Variants in TCF7 observed in about 807,000 individuals in gnomAD.
TCF7 encodes the protein T-cell-factor-7.
Under a neutral mutation model 46.8 loss-of-function variants are expected in TCF7, and 19 were observed. The ratio of observed to expected loss-of-function variants is 0.41; its 90% CI spans 0.28 to 0.60. The LOEUF (loss-of-function observed/expected upper bound fraction) is 0.60. TCF7 is among the 20% of genes least tolerant of loss of function. TCF7 has a pLI of 0.35. For missense variants in TCF7, 547 were observed against 504.6 expected, an observed-to-expected ratio of 1.08 and a Z score of -0.81; for synonymous variants, 245 against 213.4, an observed-to-expected ratio of 1.15 and a Z score of -1.29.
At chr5:134,145,102 G>C in intron 9 of TCF7, 5 of 642,136 alleles carry the variant, frequency 7.8e-6, no homozygotes, top group Middle Eastern at 2.6e-4. Flanking sequence ...GAATGTTCCA[G>C]AAAGGAAGGA....
chr5:134,147,621 C>T lies in TCF7; in HGVS notation c.*1318C>T, dbSNP rs994281439. 2 of 152,628 alleles carry T rather than the reference C, an allele frequency of 1.3e-5. No homozygotes were observed. Among genetic ancestry groups the T allele is most frequent in the Non-Finnish European group, 2.9e-5 (2 of 68,034 alleles). 9.5% of individuals were successfully genotyped at this position (152,628 alleles called of 1,614,324 possible). A position where few individuals can be genotyped will look rare whatever the true frequency, so the allele number is the denominator to read the frequency against. ...AACCCATTTTTGAGCCAAGCTTCAA[C>T]CCTCAGCCTTGAAAAACAAGTCTTT... On this transcript the variant is annotated 3_prime_UTR_variant, in exon 10 of 10. Transcript: ENST00000342854.
At chr5:134,113,698 C>T (rs1397076269), upstream of TCF7, among the ~76,000 whole-genome samples, 1 of 152,272 alleles carries the variant, frequency 6.6e-6, no homozygotes, top group Non-Finnish European at 1.5e-5. Flanking sequence ...CCGTGGAGGC[C>T]CGCGTGGACG....
intron 2 of TCF7, 78 bp downstream of exon 2, chr5:134,115,465 C>A (rs1167053085): frequency 3.9e-6 from 6 of 1,523,650 alleles, no homozygotes. Flanking sequence ...CCAAGGACCG[C>A]GGGGAGCCGG....
rs552310169 is a variant in TCF7, at chr5:134,148,079, C to T, written c.*1776C>T. The T allele has an allele frequency of 2.6e-5, 4 of 151,660 alleles. 1 individual carries two copies. The South Asian group carries it at 8.4e-4, about 32-fold the overall frequency. 9.4% of individuals were successfully genotyped at this position (151,660 alleles called of 1,614,324 possible). ...CACTGGTTTCTCAGAATCCAAAGAT[C>T]ACATATTCTAGTGTAACACTGCAAG... On this transcript the variant is annotated 3_prime_UTR_variant, in exon 10 of 10. Transcript: ENST00000342854.
the TCF7 span, among the ~76,000 whole-genome samples, chr5:134,109,371 T>A: frequency 2.0e-3 from 299 of 152,284 alleles, 2 homozygotes; most frequent in Non-Finnish European, 3.4e-3. Flanking sequence ...GACCCCCACA[T>A]GAACACCAGG....
intron 3 of TCF7, 144 bp from the exon 4 acceptor site, chr5:134,137,915 G>A (rs1759135483): frequency 1.6e-6 from 1 of 616,504 alleles, no homozygotes; most frequent in African/African-American, 1.9e-5. Context: ...TGGACACTGT[G>A]ACTTGAGTGG....
chr5:134,117,905 C>G (rs991995884), intron 3 of TCF7, among the ~76,000 whole-genome samples: 3 of 152,216 alleles, frequency 2.0e-5, no homozygotes, highest in Non-Finnish European at 2.9e-5. Context: ...GACACTGGCT[C>G]TCTGTGCCCT....
chr5:134,115,048 C>T lies in TCF7; in HGVS notation c.142C>T (p.Leu48=), dbSNP rs1755607903. The T allele has an allele frequency of 1.6e-6, 2 of 1,228,844 alleles. No individual in the cohort carries two copies. The highest frequency in any genetic ancestry group is 2.1e-6 in the Non-Finnish European group (2 of 959,916). The allele number at this position is 1,228,844 out of a possible 1,614,324, so 76.1% of individuals were successfully genotyped here. The change falls in exon 1 of 10, where the codon CTG becomes TTG. Residue 48 remains leucine, a synonymous_variant. Transcript: ENST00000342854. ...RDSAAGPERD[L]AELKSSLVNE... ...CAGCGCCGCCGGTCCCGAGCGCGAC[C>T]TGGCCGAGCTCAAGTCGTCGCTCGT...
intron 3 of TCF7, among the ~76,000 whole-genome samples, chr5:134,117,574 T>G (rs1328472674): frequency 6.6e-6 from 1 of 152,134 alleles, no homozygotes; most frequent in African/African-American, 2.4e-5. Context: ...GGTCATCTCA[T>G]GGTGTGGGCA....
At chr5:134,115,433 T>G (rs762251331) in intron 2 of TCF7, 46 bp downstream of exon 2, 3 of 1,557,576 alleles carry the variant, frequency 1.9e-6, no homozygotes, top group Non-Finnish European at 2.6e-6. Context: ...GCTCAGGCCC[T>G]GGCCTCGGTG....
chr5:134,114,848 G>T lies in TCF7; in HGVS notation c.-59G>T. ...TCCGGGCTCGCCGCCCCCCGGGCCG[G>T]CTCCGCGCCCCGCACTCCCGGCGCC... On this transcript the variant is annotated 5_prime_UTR_variant, in exon 1 of 10. Coordinates refer to ENST00000342854, the MANE Select transcript of TCF7 (RefSeq NM_003202.5). 1.0e-6 allele frequency: 1 copy of T among 982,068 alleles called. No individual in the cohort carries two copies. The highest frequency in any genetic ancestry group is 1.2e-6 in the Non-Finnish European group (1 of 829,224). 60.8% of individuals were successfully genotyped at this position (982,068 alleles called of 1,614,324 possible). A position where few individuals can be genotyped will look rare whatever the true frequency, so the allele number is the denominator to read the frequency against.
chr5:134,144,821 G>A (rs199841781), intron 9 of TCF7: 88 of 1,614,052 alleles, frequency 5.5e-5, no homozygotes, highest in South Asian at 1.6e-4. Context: ...AAGAAATGCC[G>A]TGCTCGCTTT....
At chr5:134,138,899 T>C (rs995230358) in intron 4 of TCF7, 52 bp from the exon 5 acceptor site, 3 of 1,607,380 alleles carry the variant, frequency 1.9e-6, no homozygotes, top group Non-Finnish European at 2.5e-6. Context: ...TAACTGCTGA[T>C]ATGGCCTGCC....
intron 3 of TCF7, among the ~76,000 whole-genome samples, chr5:134,134,456 T>G (rs1337196877): frequency 6.6e-6 from 1 of 152,172 alleles, no homozygotes; most frequent in African/African-American, 2.4e-5. Context: ...CCTGAAGGAG[T>G]AGGCCCTGAG....
At chr5:134,109,281 C>A in the TCF7 span, among the ~76,000 whole-genome samples, 2 of 152,188 alleles carry the variant, frequency 1.3e-5, no homozygotes, top group African/African-American at 2.4e-5. Flanking sequence ...ATAAGACATT[C>A]CTCTCTCAGT....
rs147149995 is a variant in TCF7 at position 134,139,264 on chromosome 5, G to C, written c.635+226G>C. On this transcript the variant is annotated intron_variant, in intron 5 of 9. Transcript: ENST00000342854. ...GAGCCTGACATACTCCCTTTGGAGA[G>C]GCAGGAGAGCTGGTCCCTGGTCCCA... 1.6e-3 allele frequency: 984 copies of C among 615,106 alleles called. 2 individuals carry two copies. Among genetic ancestry groups the C allele is most frequent in the Middle Eastern group, 4.1e-3 (9 of 2,204 alleles). The allele number at this position is 615,106 out of a possible 1,614,324, so 38.1% of individuals were successfully genotyped here.
upstream of TCF7, among the ~76,000 whole-genome samples, chr5:134,113,512 C>T (rs988059584): frequency 2.0e-5 from 3 of 152,236 alleles, no homozygotes; most frequent in African/African-American, 7.2e-5. Flanking sequence ...GAGGGAGAGG[C>T]GTCCAATACC....
chr5:134,117,276 G>GC (rs974791429), intron 3 of TCF7, among the ~76,000 whole-genome samples: 1 of 152,212 alleles, frequency 6.6e-6, no homozygotes, highest in African/African-American at 2.4e-5. Flanking sequence ...TGGGGGGTGT[G>GC]CCCCCCAGCA....
At chr5:134,109,083 G>A in the TCF7 span, among the ~76,000 whole-genome samples, 2 of 152,064 alleles carry the variant, frequency 1.3e-5, no homozygotes, top group African/African-American at 4.8e-5. Flanking sequence ...CAGGTACGGG[G>A]CCTGCTAACT....
Sources: gnomAD v4.1 joint callset for allele counts (sites outside exome capture counted in the v4.1 genomes callset) on GRCh38, gnomAD v4.1.1 for gene constraint, MANE v1.5 for transcripts, NCBI Gene and HGNC (gene_info 2026-07-23, HGNC 2026-07-21) for gene names.